SEMA3A: variants seen among roughly 807,000 people sequenced by gnomAD.
SEMA3A encodes semaphorin 3A.
Under a neutral mutation model 97.9 loss-of-function variants are expected in SEMA3A, and 29 were observed. The ratio of observed to expected loss-of-function variants is 0.30; its 90% CI spans 0.22 to 0.40. SEMA3A has a LOEUF of 0.40. Among genes scored for constraint, SEMA3A ranks in the 10% least tolerant of loss-of-function variants. The pLI, the probability that SEMA3A is intolerant of heterozygous loss-of-function variation, is 1.00. For synonymous variants in SEMA3A, 321 were observed against 323.7 expected, an observed-to-expected ratio of 0.99 and a Z score of 0.09; for missense variants, 763 against 951.3, an observed-to-expected ratio of 0.80 and a Z score of 2.60.
intron 1 of SEMA3A, among the ~76,000 whole-genome samples, chr7:84,420,431 G>T (rs1804557113): frequency 6.6e-6 from 1 of 151,958 alleles, no homozygotes; most frequent in Non-Finnish European, 1.5e-5. Context: ...TCACTAGAGT[G>T]CTCAATAGGA....
chr7:84,462,307 G>A (rs1307954699), intron 1 of SEMA3A, among the ~76,000 whole-genome samples: 1 of 151,980 alleles, frequency 6.6e-6, no homozygotes, highest in African/African-American at 2.4e-5. Context: ...ATATTTTATA[G>A]TATAGCATAT....
intron 1 of SEMA3A, among the ~76,000 whole-genome samples, chr7:84,141,998 C>T (rs1457453818): frequency 6.6e-6 from 1 of 152,156 alleles, no homozygotes; most frequent in Admixed American, 6.5e-5. Flanking sequence ...ACTTCTAGAC[C>T]CCACACAAGA....
intron 3 of SEMA3A, among the ~76,000 whole-genome samples, chr7:84,123,483 C>T (rs1377600333): frequency 6.6e-6 from 1 of 151,694 alleles, no homozygotes; most frequent in Non-Finnish European, 1.5e-5. Context: ...TTAGAATCTA[C>T]AATACCAAAA....
intron 4 of SEMA3A, among the ~76,000 whole-genome samples, chr7:84,086,575 CATATA>C (rs1243780363): frequency 3.7e-5 from 2 of 54,414 alleles, no homozygotes; most frequent in East Asian, 7.2e-4. Flanking sequence ...ATTATATTTA[CATATA>C]ATATATTATT....
At chr7:84,270,248 A>C (rs671711) in intron 3 of SEMA3A, among the ~76,000 whole-genome samples, 1 of 151,752 alleles carries the variant, frequency 6.6e-6, no homozygotes, top group African/African-American at 2.4e-5. Context: ...CTTGGAATAA[A>C]GGAAAATAAA....
intron 3 of SEMA3A, among the ~76,000 whole-genome samples, chr7:84,220,737 C>A (rs1798857300): frequency 6.6e-6 from 1 of 152,124 alleles, no homozygotes; most frequent in African/African-American, 2.4e-5. Flanking sequence ...TAGGTCTCAA[C>A]AAAGAGCTTA....
chr7:84,304,219 T>A (rs528878155), intron 3 of SEMA3A, among the ~76,000 whole-genome samples: 2 of 152,152 alleles, frequency 1.3e-5, no homozygotes, highest in Non-Finnish European at 2.9e-5. Context: ...AATAGATTCA[T>A]AACATGAAGT....
At chr7:83,977,218 G>A in intron 14 of SEMA3A, 22 bp from the exon 15 acceptor site, 2 of 1,429,014 alleles carry the variant, frequency 1.4e-6, no homozygotes, top group Non-Finnish European at 1.9e-6. Context: ...ACATTTAAAA[G>A]GTGTTATTGT....
rs1004293007 is a variant in SEMA3A at position 84,050,106 on chromosome 7, G to C, written c.548-3663C>G. On this transcript the variant is annotated intron_variant, in intron 5 of 16. Coordinates refer to ENST00000265362, the MANE Select transcript of SEMA3A (RefSeq NM_006080.3). ...ATATGTGCCACATTTTCTTAATCCA[G>C]TCTATCATTGTTGGACATTTGGGTT... is the stretch of plus-strand genomic sequence containing the variant. 4.0e-5 allele frequency among the ~76,000 whole-genome samples: 6 copies of C among 151,366 alleles called. No homozygotes were observed. The East Asian group carries it at 5.8e-4, about 15-fold the overall frequency.
At chr7:84,436,066 A>G (rs1216215482) in intron 1 of SEMA3A, among the ~76,000 whole-genome samples, 3 of 152,162 alleles carry the variant, frequency 2.0e-5, no homozygotes, top group Non-Finnish European at 4.4e-5. Flanking sequence ...AGTCAACAAA[A>G]ATAAGCAATG....
rs118156111 is a variant in SEMA3A, at chr7:84,136,161, T to A, written c.113-1210A>T. ...GCTTTAGATTTTTCGGGTGCACACTTAGTAGGAAATTTTCATCAGCATCCA... is the reference window on the plus strand; with the variant it reads ...GCTTTAGATTTTTCGGGTGCACACTAAGTAGGAAATTTTCATCAGCATCCA... On this transcript the variant is annotated intron_variant, in intron 1 of 16. Transcript: ENST00000265362. Among the ~76,000 whole-genome samples the A allele has an allele frequency of 4.9e-3, 748 of 152,232 alleles. 1 individual carries two copies. The highest frequency in any genetic ancestry group is 9.0e-3 in the Non-Finnish European group (610 of 68,010).
chr7:84,102,519 C>T (rs192662696), intron 4 of SEMA3A, among the ~76,000 whole-genome samples: 1 of 149,564 alleles, frequency 6.7e-6, no homozygotes, highest in Non-Finnish European at 1.5e-5. Context: ...ACCCATAGAC[C>T]AGGGCTATAA....
At chr7:84,367,480 T>C (rs1235453802) in intron 2 of SEMA3A, among the ~76,000 whole-genome samples, 1 of 150,918 alleles carries the variant, frequency 6.6e-6, no homozygotes, top group African/African-American at 2.4e-5. Context: ...CAAACAATAG[T>C]TTTGCCAAAT....
At chr7:84,130,825 C>T (rs1301083695) in intron 2 of SEMA3A, among the ~76,000 whole-genome samples, 2 of 151,926 alleles carry the variant, frequency 1.3e-5, no homozygotes, top group Non-Finnish European at 2.9e-5. Context: ...ATTCAGCTTT[C>T]CAGCTAAATT....
chr7:84,432,482 C>A lies in SEMA3A; in HGVS notation c.-246+59978G>T, dbSNP rs1805006150. Among the ~76,000 whole-genome samples, 3 of 151,906 alleles carry A rather than the reference C, an allele frequency of 2.0e-5. No individual in the cohort carries two copies. The South Asian group carries it at 6.2e-4, about 32-fold the overall frequency. ...GCTGAGGTTTGAAATAGGAATGATC[C>A]CATCACCCAAGTAGTGAGTGTAATA... is the stretch of plus-strand genomic sequence containing the variant. On this transcript the variant is annotated intron_variant, in intron 1 of 3. Coordinates refer to the SEMA3A transcript ENST00000424555.
chr7:84,362,315 A>G (rs1404542346), intron 2 of SEMA3A, among the ~76,000 whole-genome samples: 1 of 152,022 alleles, frequency 6.6e-6, no homozygotes, highest in Admixed American at 6.6e-5. Flanking sequence ...ACAACATCAC[A>G]GTGGTGTTGA....
chr7:84,248,518 G>C (rs1257653264), intron 3 of SEMA3A, among the ~76,000 whole-genome samples: 1 of 152,158 alleles, frequency 6.6e-6, no homozygotes, highest in Non-Finnish European at 1.5e-5. Flanking sequence ...CTTTTTGTGA[G>C]AGTCAGCAGA....
At chr7:84,381,041 T>C (rs1562926906) in intron 1 of SEMA3A, among the ~76,000 whole-genome samples, 2 of 152,236 alleles carry the variant, frequency 1.3e-5, no homozygotes, top group African/African-American at 2.4e-5. Flanking sequence ...GATTAGAACA[T>C]GGACATCTCT....
intron 11 of SEMA3A, among the ~76,000 whole-genome samples, chr7:84,003,991 TTTTGTTATAAAAC>T (rs1790560546): frequency 6.6e-6 from 1 of 152,122 alleles, no homozygotes; most frequent in African/African-American, 2.4e-5. Context: ...TATTTCACAA[TTTTGTTATAAAAC>T]TTTAAGTCTT....
Sources: gnomAD v4.1 joint callset for allele counts (sites outside exome capture counted in the v4.1 genomes callset) on GRCh38, gnomAD v4.1.1 for gene constraint, MANE v1.5 for transcripts, NCBI Gene and HGNC (gene_info 2026-07-23, HGNC 2026-07-21) for gene names.